The following POLRMT variants were observed in gnomAD, a reference collection of about 807,000 sequenced individuals.
POLRMT encodes the protein DNA-directed RNA polymerase, mitochondrial.
POLRMT carries 114 observed loss-of-function variants against 132.2 expected under a neutral mutation model. The ratio of observed to expected loss-of-function variants is 0.86; its 90% confidence interval spans 0.74 to 1.01. The LOEUF (loss-of-function observed/expected upper bound fraction) is 1.01, where lower values mean the gene tolerates loss of function less well. Among genes scored for constraint, POLRMT ranks in the 50% least tolerant of loss-of-function variants. The pLI, the probability that POLRMT is intolerant of heterozygous loss-of-function variation, is 0.00. For synonymous variants in POLRMT, 1,020 were observed against 773.4 expected (o/e 1.32, Z -5.29); for missense variants, 2,003 against 1,729.1 (o/e 1.16, Z -2.81).
intron 2 of POLRMT, among the ~76,000 whole-genome samples, chr19:630,797 C>T (rs974119422): frequency 2.6e-5 from 4 of 152,242 alleles, no homozygotes; most frequent in Admixed American, 6.5e-5. Flanking sequence ...CGTGCCGCCT[C>T]AGGTTGCATT....
chr19:622,573 G>A lies in POLRMT; in HGVS notation c.1626+9C>T, dbSNP rs768606970. 27 of 1,593,408 alleles carry A rather than the reference G, an allele frequency of 1.7e-5. No individual in the cohort carries two copies. The highest frequency in any genetic ancestry group is 2.3e-4 in the Middle Eastern group (1 of 4,416). ...CCCCAGCCAGGAGGAGAGGGGGTGC[G>A]AGCCTCACCTCGGCGTCGGAGGCCA... On this transcript the variant is annotated intron_variant, in intron 8 of 20. Transcript: ENST00000588649.
Position 619,576 on chromosome 19 carries a change from C to G in POLRMT, c.3066+10G>C. On this transcript the variant is annotated intron_variant, in intron 13 of 20. Coordinates refer to ENST00000588649, the MANE Select transcript of POLRMT (RefSeq NM_005035.4). ...ACCAACGTGTTCGCAGCGCGACATG[C>G]CTGGCGCACCTGGGGAAAGTCGCTC... The G allele has an allele frequency of 6.2e-7, 1 of 1,611,332 alleles. No individual in the cohort carries two copies. Among genetic ancestry groups the G allele is most frequent in the Non-Finnish European group, 8.5e-7 (1 of 1,179,550 alleles).
chr19:632,441 C>A (rs1985486350), intron 2 of POLRMT, among the ~76,000 whole-genome samples: 1 of 151,940 alleles, frequency 6.6e-6, no homozygotes. Context: ...CATCCAGTCT[C>A]CATTAGGCGC....
In POLRMT at chr19:622,368, G is replaced by A. The variant is rs187764737; in HGVS notation, c.1632C>T (p.Pro544=). The A allele has an allele frequency of 1.7e-4, 260 of 1,549,120 alleles. No homozygotes were observed. In the African/African-American group the frequency reaches 3.2e-3, roughly 19 times the overall value. The change falls in exon 9 of 21, where the codon CCC becomes CCT. Residue 544 remains proline (P), a synonymous_variant. Coordinates refer to ENST00000588649, the MANE Select transcript of POLRMT (RefSeq NM_005035.4). The part of the protein sequence containing the change: ...LCLLASDAEV[P]EPCLPRQYWE... Reference sequence around the variant, plus strand: ...AGTACTGCCGCGGCAGGCAGGGCTCGGGCACCTGTAGGACAGGGCGGTCAG... The same window carrying A: ...AGTACTGCCGCGGCAGGCAGGGCTCAGGCACCTGTAGGACAGGGCGGTCAG...
Position 629,795 on chromosome 19 carries a change from C to A in POLRMT, c.567G>T (p.Glu189Asp). ...CCTCCTGCAGCAGCCGGGCCAGCTG[C>A]TCCTCCCAGGGGCTCTCGGGGGCCT... ...TRQAPESPWE[E>D]QLARLLQEAP... Residue 189 changes from glutamate to aspartate, a missense_variant, in exon 3 of 21, where the codon GAG becomes GAT. Glu to Asp is a conservative substitution (Grantham distance 45, BLOSUM62 2). Coordinates refer to ENST00000588649, the MANE Select transcript of POLRMT (RefSeq NM_005035.4). 1 of 1,574,744 alleles carries A rather than the reference C, an allele frequency of 6.4e-7. No individual in the cohort carries two copies. Among genetic ancestry groups the A allele is most frequent in the Non-Finnish European group, 8.6e-7 (1 of 1,161,264 alleles).
chr19:625,742 C>G (rs1984976778), intron 3 of POLRMT, among the ~76,000 whole-genome samples: 1 of 152,192 alleles, frequency 6.6e-6, no homozygotes, highest in African/African-American at 2.4e-5. Context: ...TGCTCTGTTG[C>G]CCAGGCTGGA....
chr19:629,956 G>A lies in POLRMT; in HGVS notation c.406C>T (p.Arg136Cys), dbSNP rs371453888. Residue 136 changes from arginine (R) to cysteine (C), a missense_variant, in exon 3 of 21, where the codon CGT (arginine) becomes TGT (cysteine). Physicochemically the swap from Arg to Cys is radical, Grantham distance 180 (BLOSUM62 -3). Transcript: ENST00000588649. The part of the protein sequence containing the change: ...LEKDKRTQQM[R>C]MQRLKAKLQM... Reference sequence around the variant, plus strand: ...AGCTTCGCCTTCAACCGCTGCATACGCATCTGCTGGGTCCGCTTATCCTTC... The same window carrying A: ...AGCTTCGCCTTCAACCGCTGCATACACATCTGCTGGGTCCGCTTATCCTTC... The A allele has an allele frequency of 1.9e-5, 30 of 1,613,666 alleles. No individual in the cohort carries two copies. The highest frequency in any genetic ancestry group is 2.7e-5 in the African/African-American group (2 of 74,936).
rs554250745 is a variant in POLRMT at position 619,039 on chromosome 19, G to A, written c.3225C>T (p.Gly1075=). The A allele has an allele frequency of 5.0e-5, 80 of 1,603,164 alleles. No individual in the cohort carries two copies. The highest frequency in any genetic ancestry group is 1.2e-4 in the Admixed American group (7 of 57,824). Reference sequence around the variant, plus strand: ...GGCGATAGGGCTGGATGACGGGGACGCCCAGGGGTGTGACCCACTCCACCA... The same window carrying A: ...GGCGATAGGGCTGGATGACGGGGACACCCAGGGGTGTGACCCACTCCACCA... ...GSVVEWVTPL[G]VPVIQPYRLD... is the part of the protein sequence containing the mutation. Residue 1075 remains glycine, a synonymous_variant, in exon 15 of 21, where the codon GGC becomes GGT. Coordinates refer to ENST00000588649, the MANE Select transcript of POLRMT (RefSeq NM_005035.4).
Position 619,984 on chromosome 19 carries a change from C to T in POLRMT, c.2860G>A (p.Asp954Asn), listed in dbSNP as rs771052283. The T allele has an allele frequency of 2.4e-5, 38 of 1,598,260 alleles. No individual in the cohort carries two copies. The highest frequency in any genetic ancestry group is 3.1e-5 in the Non-Finnish European group (37 of 1,176,314). The change falls in exon 12 of 21, where the codon GAC becomes AAC. Residue 954 changes from aspartate (D) to asparagine (N), a missense_variant. Coordinates refer to ENST00000588649, the MANE Select transcript of POLRMT (RefSeq NM_005035.4). ...VNLEPSDVPQ[D>N]VYSGVAAQVE... ...TGCGCGGCCACGCCGCTGTACACGT[C>T]CTGCGGCACATCCGAGGGCTCCAGG...
In POLRMT at chr19:619,153, G is replaced by A. The variant is rs565147184; in HGVS notation, c.3154-43C>T. On this transcript the variant is annotated intron_variant, in intron 14 of 20. Coordinates refer to ENST00000588649, the MANE Select transcript of POLRMT (RefSeq NM_005035.4). ...TCTCAGGGCAGGGGGCTCAGGCCGG[G>A]GATCCCGTCCACTTGCTTAGGGAGT... 49 of 1,610,468 alleles carry A rather than the reference G, an allele frequency of 3.0e-5. No individual in the cohort carries two copies. The South Asian group carries it at 3.7e-4, about 12-fold the overall frequency.
At chr19:621,885 TG>T (rs766468658) in intron 9 of POLRMT, 39 bp from the exon 10 acceptor site, 4 of 1,594,590 alleles carry the variant, frequency 2.5e-6, no homozygotes, top group African/African-American at 2.7e-5. Flanking sequence ...GCCCCGGTGC[TG>T]GGGCTTTCCT....
chr19:624,737 G>C lies in POLRMT; in HGVS notation c.1122C>G (p.Leu374=), dbSNP rs1357600880. The change falls in exon 5 of 21, where the codon CTC becomes CTG. Residue 374 remains leucine, a synonymous_variant. Transcript: ENST00000588649. ...GGCTCACCTTGGCATACACGTCCCTGAGCAGCTTGGAGGTGTTGACCGGGG... is the reference window on the plus strand; with the variant it reads ...GGCTCACCTTGGCATACACGTCCCTCAGCAGCTTGGAGGTGTTGACCGGGG... The part of the protein sequence containing the change: ...LPPPVNTSKL[L]RDVYAKDGRV... The C allele has an allele frequency of 1.9e-6, 3 of 1,613,608 alleles. No homozygotes were observed.
At chr19:630,259 A>C (rs1600594084) in intron 2 of POLRMT, 91 bp from the exon 3 acceptor site, 1 of 1,444,224 alleles carries the variant, frequency 6.9e-7, no homozygotes, top group East Asian at 2.3e-5. Flanking sequence ...CAGGAGGTGC[A>C]GGTGGCTGAG....
intron 3 of POLRMT, among the ~76,000 whole-genome samples, chr19:626,324 T>C (rs1340341000): frequency 2.6e-5 from 4 of 151,592 alleles, no homozygotes; most frequent in African/African-American, 9.7e-5. Context: ...GCTAATTATT[T>C]TGTATTTTTA....
At chr19:618,618 C>A in intron 16 of POLRMT, 32 bp from the exon 17 acceptor site, 1 of 1,599,614 alleles carries the variant, frequency 6.3e-7, no homozygotes, top group South Asian at 1.1e-5. Flanking sequence ...GTGGGGGCGG[C>A]CCAGGGACAC....
rs1984348893 is a variant in POLRMT, at chr19:619,697, G to A, written c.2955C>T (p.Ile985=). ...MRVAQVLEGF[I]TRKVVKQTVM... ...CCGTCTGCTTCACCACCTTGCGGGTGATGAAACCTTCCAGCACCTGTGCCA... is the reference window on the plus strand; with the variant it reads ...CCGTCTGCTTCACCACCTTGCGGGTAATGAAACCTTCCAGCACCTGTGCCA... Residue 985 remains isoleucine (I), a synonymous_variant, in exon 13 of 21, where the codon ATC becomes ATT. Transcript: ENST00000588649. The A allele has an allele frequency of 6.2e-7, 1 of 1,608,872 alleles. No homozygotes were observed.
intron 5 of POLRMT, 23 bp downstream of exon 5, chr19:624,696 T>G: frequency 1.9e-6 from 3 of 1,604,222 alleles, no homozygotes; most frequent in Non-Finnish European, 1.7e-6. Flanking sequence ...GACTGAAGTC[T>G]GCCGGGGCCC....
At position 621,118 on chromosome 19, in the gene POLRMT, G is replaced by A. The variant is rs1307261528; in HGVS notation, c.2580C>T (p.Arg860=). The part of the protein sequence containing the change: ...GLKKREPLRK[R]LAFAEEVMDD... ...CCATCACCTCCTCCGCAAAGGCCAG[G>A]CGCTTCCGCAGCGGCTCCCGCTTCT... is the stretch of plus-strand genomic sequence containing the variant. The change falls in exon 10 of 21, where the codon CGC becomes CGT. Residue 860 remains arginine (R), a synonymous_variant. Transcript: ENST00000588649. The A allele has an allele frequency of 1.7e-5, 28 of 1,610,820 alleles. No homozygotes were observed. Among genetic ancestry groups the A allele is most frequent in the African/African-American group, 2.7e-5 (2 of 74,750 alleles).
At chr19:628,318 A>G (rs1395178588) in intron 3 of POLRMT, among the ~76,000 whole-genome samples, 8 of 152,126 alleles carry the variant, frequency 5.3e-5, no homozygotes, top group Admixed American at 1.3e-4. Flanking sequence ...GGGGCTTGTG[A>G]CCTTGGAGGG....
Sources: gnomAD v4.1 joint callset for allele counts (sites outside exome capture counted in the v4.1 genomes callset) on GRCh38, gnomAD v4.1.1 for gene constraint, MANE v1.5 for transcripts, NCBI Gene and HGNC (gene_info 2026-07-23, HGNC 2026-07-21) for gene names.